SLC24A2: variants seen among roughly 807,000 people sequenced by gnomAD.
SLC24A2 encodes solute carrier family 24 member 2.
Under a neutral mutation model 62.0 loss-of-function variants are expected in SLC24A2, and 36 were observed. The observed-to-expected ratio is 0.58, with a 90% CI of 0.44 to 0.77. SLC24A2 has a LOEUF of 0.77. SLC24A2 is among the 30% of genes least tolerant of loss of function. The pLI, the probability that SLC24A2 is intolerant of heterozygous loss-of-function variation, is 0.00. For synonymous variants in SLC24A2, 358 were observed against 294.0 expected (o/e 1.22, Z -2.23); for missense variants, 846 against 817.9 (o/e 1.03, Z -0.42).
intron 2 of SLC24A2, among the ~76,000 whole-genome samples, chr9:19,638,914 C>T (rs916109240): frequency 3.9e-5 from 6 of 152,166 alleles, no homozygotes; most frequent in Non-Finnish European, 7.4e-5. Flanking sequence ...TGGCAGGTAG[C>T]CAGGTCAGAA....
the SLC24A2 span, among the ~76,000 whole-genome samples, chr9:19,943,381 C>T: frequency 5.3e-5 from 8 of 152,108 alleles, no homozygotes; most frequent in East Asian, 1.5e-3. Context: ...ACTATTCTAG[C>T]GATCTTTCAT....
chr9:19,662,526 T>C (rs913628906), intron 2 of SLC24A2, among the ~76,000 whole-genome samples: 2 of 152,204 alleles, frequency 1.3e-5, no homozygotes, highest in African/African-American at 4.8e-5. Context: ...CCGGTGTTAG[T>C]TACCCTCCAA....
the SLC24A2 span, among the ~76,000 whole-genome samples, chr9:20,276,839 T>C: frequency 1.3e-5 from 2 of 152,216 alleles, no homozygotes; most frequent in African/African-American, 2.4e-5. Flanking sequence ...GCTTGCACCC[T>C]CTGAAGCAAT....
At chr9:20,164,004 T>C in the SLC24A2 span, among the ~76,000 whole-genome samples, 8 of 152,188 alleles carry the variant, frequency 5.3e-5, no homozygotes, top group African/African-American at 1.9e-4. Flanking sequence ...AAGACTTACA[T>C]GTTAGACCTA....
intron 7 of SLC24A2, among the ~76,000 whole-genome samples, chr9:19,568,438 C>CAATA (rs1563972577): frequency 6.6e-6 from 1 of 152,218 alleles, no homozygotes; most frequent in African/African-American, 2.4e-5. Flanking sequence ...GCCTTGCCAT[C>CAATA]TGGGCTATTC....
chr9:19,913,438 T>A, the SLC24A2 span, among the ~76,000 whole-genome samples: 1 of 152,096 alleles, frequency 6.6e-6, no homozygotes, highest in East Asian at 1.9e-4. Context: ...TGTGTGGGAA[T>A]CAATCACCTC....
chr9:20,072,328 C>T, the SLC24A2 span, among the ~76,000 whole-genome samples: 2 of 152,046 alleles, frequency 1.3e-5, no homozygotes, highest in South Asian at 2.1e-4. Context: ...GACCCACAAG[C>T]AGATTAGAGT....
chr9:20,275,410 T>C, the SLC24A2 span, among the ~76,000 whole-genome samples: 1 of 152,230 alleles, frequency 6.6e-6, no homozygotes, highest in African/African-American at 2.4e-5. Flanking sequence ...TGAAAATGTG[T>C]ATAGATACAG....
chr9:19,565,608 G>A (rs1192108275), intron 7 of SLC24A2, among the ~76,000 whole-genome samples: 1 of 151,986 alleles, frequency 6.6e-6, no homozygotes. Context: ...TCACAGAATT[G>A]GAAAAAACTA....
chr9:19,706,374 T>G (rs1820517909), intron 2 of SLC24A2, among the ~76,000 whole-genome samples: 1 of 148,934 alleles, frequency 6.7e-6, no homozygotes, highest in African/African-American at 2.5e-5. Flanking sequence ...TGATGGGTCT[T>G]GAATCTTTTT....
At chr9:20,194,989 C>T in the SLC24A2 span, among the ~76,000 whole-genome samples, 84 of 152,196 alleles carry the variant, frequency 5.5e-4, no homozygotes, top group African/African-American at 1.8e-3. Flanking sequence ...GGTATACATC[C>T]GTAAACCATG....
chr9:19,547,011 A>T (rs1834612108), intron 8 of SLC24A2, among the ~76,000 whole-genome samples: 1 of 151,776 alleles, frequency 6.6e-6, no homozygotes, highest in Non-Finnish European at 1.5e-5. Context: ...AATGTGGAAA[A>T]ATCACCTGCC....
At chr9:19,692,682 A>G (rs1564042359) in intron 2 of SLC24A2, among the ~76,000 whole-genome samples, 1 of 152,082 alleles carries the variant, frequency 6.6e-6, no homozygotes, top group South Asian at 2.1e-4. Flanking sequence ...ACTTGTCACT[A>G]TGCATCACAT....
At chr9:20,109,506 G>C in the SLC24A2 span, among the ~76,000 whole-genome samples, 1 of 152,184 alleles carries the variant, frequency 6.6e-6, no homozygotes, top group Non-Finnish European at 1.5e-5. Flanking sequence ...AGTAGAGAGT[G>C]TGTATGTGAC....
At chr9:19,915,876 T>A in the SLC24A2 span, among the ~76,000 whole-genome samples, 1 of 152,096 alleles carries the variant, frequency 6.6e-6, no homozygotes, top group South Asian at 2.1e-4. Flanking sequence ...CTCTGGGTCA[T>A]CTTTTCCCTT....
the SLC24A2 span, among the ~76,000 whole-genome samples, chr9:20,028,865 G>A: frequency 6.6e-6 from 1 of 152,068 alleles, no homozygotes; most frequent in Non-Finnish European, 1.5e-5. Flanking sequence ...AAACAACCTG[G>A]CAGTACTTCT....
the SLC24A2 span, among the ~76,000 whole-genome samples, chr9:20,006,522 A>G: frequency 6.6e-6 from 1 of 152,146 alleles, no homozygotes; most frequent in Admixed American, 6.5e-5. Context: ...ATGAATAGCC[A>G]TTTATCTGGC....
At chr9:20,113,447 T>C in the SLC24A2 span, among the ~76,000 whole-genome samples, 1 of 152,190 alleles carries the variant, frequency 6.6e-6, no homozygotes, top group African/African-American at 2.4e-5. Context: ...GCTATTTATA[T>C]TTGTTATGAT....
In SLC24A2 at chr9:19,528,103, G is replaced by A. The variant is rs1352540101; in HGVS notation, c.1515C>T (p.Gly505=). ...SRKFFPITFF[G]SITWIAVFSY... ...AGAATACTGCAATCCAGGTAATGGA[G>A]CCAAAGAACGTGATGGGAAAAAACT... The change falls in exon 9 of 11, where the codon GGC becomes GGT. Residue 505 remains glycine (G), a synonymous_variant. Transcript: ENST00000341998. The A allele has an allele frequency of 1.3e-6, 2 of 1,597,334 alleles. No individual in the cohort carries two copies. The highest frequency in any genetic ancestry group is 1.3e-5 in the African/African-American group (1 of 74,756).
Sources: gnomAD v4.1 joint callset for allele counts (sites outside exome capture counted in the v4.1 genomes callset) on GRCh38, gnomAD v4.1.1 for gene constraint, MANE v1.5 for transcripts, NCBI Gene and HGNC (gene_info 2026-07-23, HGNC 2026-07-21) for gene names.